Variants in SGCZ observed in about 807,000 individuals in gnomAD.
SGCZ encodes the protein zeta-sarcoglycan.
A neutral mutation model predicts 41.3 loss-of-function variants in SGCZ; 40 were observed. That is an observed-to-expected ratio of 0.97 (90% CI 0.75 to 1.26). The LOEUF is 1.26. Among genes scored for constraint, SGCZ ranks in the 50% most tolerant of loss-of-function variants. SGCZ has a pLI of 0.00. For synonymous variants in SGCZ, 206 were observed against 137.5 expected (o/e 1.50, Z -3.49); for missense variants, 552 against 369.8 (o/e 1.49, Z -4.04).
chr8:14,873,628 T>A (rs1213027651), intron 1 of SGCZ, among the ~76,000 whole-genome samples: 3 of 152,078 alleles, frequency 2.0e-5, no homozygotes, highest in Non-Finnish European at 4.4e-5. Flanking sequence ...GAACAGAGTA[T>A]CTACAATCAA....
At chr8:15,220,879 AG>A (rs1801573758) in intron 1 of SGCZ, among the ~76,000 whole-genome samples, 1 of 152,124 alleles carries the variant, frequency 6.6e-6, no homozygotes, top group Admixed American at 6.6e-5. Flanking sequence ...TGGATGAAGC[AG>A]GAAACCATCA....
intron 2 of SGCZ, among the ~76,000 whole-genome samples, chr8:14,523,024 T>C (rs7812474): frequency 0.64 from 96,734 of 151,700 alleles, 31,598 homozygotes; most frequent in South Asian, 0.75. Context: ...ACTTACCACA[T>C]TCTACTACTG....
intron 1 of SGCZ, among the ~76,000 whole-genome samples, chr8:14,584,703 T>C (rs766232964): frequency 2.6e-5 from 4 of 151,984 alleles, no homozygotes; most frequent in Non-Finnish European, 4.4e-5. Flanking sequence ...GAGTAGTACC[T>C]AGAATATAGT....
intron 1 of SGCZ, among the ~76,000 whole-genome samples, chr8:15,086,314 G>C (rs1805947229): frequency 6.6e-6 from 1 of 152,128 alleles, no homozygotes; most frequent in Non-Finnish European, 1.5e-5. Flanking sequence ...GGTTGCTAAA[G>C]ACACATAAGC....
chr8:14,319,327 T>G (rs1347247022), intron 3 of SGCZ: 1 of 151,986 alleles, frequency 6.6e-6, no homozygotes, highest in African/African-American at 2.4e-5. Flanking sequence ...TTGGACTTAA[T>G]AGTGAAGTGT....
chr8:14,512,821 AT>A (rs1456889341), intron 2 of SGCZ, among the ~76,000 whole-genome samples: 1 of 152,002 alleles, frequency 6.6e-6, no homozygotes, highest in Non-Finnish European at 1.5e-5. Flanking sequence ...AAGGAACTTT[AT>A]TAATTGTCTA....
chr8:14,945,603 T>C (rs1800416914), intron 1 of SGCZ, among the ~76,000 whole-genome samples: 1 of 151,950 alleles, frequency 6.6e-6, no homozygotes, highest in Non-Finnish European at 1.5e-5. Context: ...TGGATATGTC[T>C]GTAAGGGCGT....
intron 4 of SGCZ, among the ~76,000 whole-genome samples, chr8:14,173,113 T>C (rs1351852695): frequency 6.6e-6 from 1 of 152,046 alleles, no homozygotes; most frequent in Non-Finnish European, 1.5e-5. Flanking sequence ...AAGTCTAAAA[T>C]CATACTTGAA....
intron 2 of SGCZ, among the ~76,000 whole-genome samples, chr8:14,431,616 C>T (rs1258578641): frequency 1.3e-5 from 2 of 152,150 alleles, no homozygotes; most frequent in African/African-American, 2.4e-5. Context: ...CTCTTCTTGA[C>T]ATTGGCTTAG....
At chr8:14,774,672 C>A (rs1027832611) in intron 1 of SGCZ, among the ~76,000 whole-genome samples, 1 of 152,184 alleles carries the variant, frequency 6.6e-6, no homozygotes, top group African/African-American at 2.4e-5. Context: ...ATCACCCTAG[C>A]TTTGACTTTG....
At chr8:14,346,631 T>C (rs1802899492) in intron 2 of SGCZ, among the ~76,000 whole-genome samples, 1 of 152,006 alleles carries the variant, frequency 6.6e-6, no homozygotes, top group Non-Finnish European at 1.5e-5. Context: ...CAAAATAAAA[T>C]ATCACATGGA....
chr8:14,837,692 T>G (rs1483076724), intron 1 of SGCZ, among the ~76,000 whole-genome samples: 2 of 152,198 alleles, frequency 1.3e-5, no homozygotes. Flanking sequence ...ATTTATGAAC[T>G]TATTTATATA....
intron 2 of SGCZ, among the ~76,000 whole-genome samples, chr8:14,512,618 C>A (rs1248942560): frequency 2.6e-5 from 2 of 77,368 alleles, no homozygotes; most frequent in Non-Finnish European, 5.2e-5. Flanking sequence ...AGGCATTACA[C>A]CTGGCTATTT....
In SGCZ at chr8:14,271,820, A is replaced by T. The variant is rs1585305354; in HGVS notation, c.337-34141T>A. ...TAAGGCATTTTTGCTTTGTAGAAACAACTGAACAATTGCTGTTAAAAGCCT... is the reference window on the plus strand; with the variant it reads ...TAAGGCATTTTTGCTTTGTAGAAACTACTGAACAATTGCTGTTAAAAGCCT... On this transcript the variant is annotated intron_variant, in intron 3 of 7. Transcript: ENST00000382080. Among the ~76,000 whole-genome samples the T allele has an allele frequency of 4.6e-5, 7 of 152,286 alleles. 1 individual carries two copies. In the South Asian group the frequency reaches 1.4e-3, roughly 32 times the overall value.
At chr8:14,090,775 A>G (rs533983624) in intron 7 of SGCZ, 138 bp from the exon 8 acceptor site, 8 of 737,188 alleles carry the variant, frequency 1.1e-5, no homozygotes, top group Admixed American at 5.9e-5. Flanking sequence ...GCTTTGTTGA[A>G]CAAACAAATT....
intron 1 of SGCZ, among the ~76,000 whole-genome samples, chr8:15,054,298 T>C (rs143766448): frequency 6.6e-6 from 1 of 152,170 alleles, no homozygotes; most frequent in African/African-American, 2.4e-5. Context: ...TTCATATGAG[T>C]CAGTTCAGCT....
rs532167419 is a variant in SGCZ, at chr8:14,892,656, G to A, written c.40-337730C>T. On this transcript the variant is annotated intron_variant, in intron 1 of 7. Coordinates refer to ENST00000382080, the MANE Select transcript of SGCZ (RefSeq NM_139167.4). ...AAATATGCAAGAAAAAATAAGGATT[G>A]TTTATACATCAAACTTCCATGGAAC... Among the ~76,000 whole-genome samples, 10 of 152,188 alleles carry A rather than the reference G, an allele frequency of 6.6e-5. 1 individual carries two copies. The South Asian group carries it at 2.1e-3, about 32-fold the overall frequency.
intron 1 of SGCZ, among the ~76,000 whole-genome samples, chr8:14,642,013 G>A (rs1807041982): frequency 6.6e-6 from 1 of 151,578 alleles, no homozygotes; most frequent in African/African-American, 2.4e-5. Context: ...CCTACATAGT[G>A]TCTTATCTTA....
At chr8:14,906,440 G>C (rs1162754104) in intron 1 of SGCZ, among the ~76,000 whole-genome samples, 1 of 152,078 alleles carries the variant, frequency 6.6e-6, no homozygotes, top group Admixed American at 6.6e-5. Context: ...ACCACGCTCT[G>C]GAAAATTCTC....
Sources: allele counts gnomAD v4.1 joint callset (sites outside exome capture counted in the v4.1 genomes callset), GRCh38; gene constraint gnomAD v4.1.1; transcripts MANE v1.5; gene names NCBI Gene and HGNC (gene_info 2026-07-23, HGNC 2026-07-21).